ALDH1A1: variants seen among roughly 807,000 people sequenced by gnomAD.
ALDH1A1 encodes aldehyde dehydrogenase 1 family member A1.
In ALDH1A1, 19 loss-of-function variants were observed where a neutral mutation model predicts 62.1. The ratio of observed to expected loss-of-function variants is 0.31; its 90% confidence interval spans 0.21 to 0.45. The LOEUF (loss-of-function observed/expected upper bound fraction) is 0.45. Ranked by LOEUF, ALDH1A1 falls within the 20% of genes least tolerant of loss-of-function variation. The pLI is 1.00. For synonymous variants in ALDH1A1, 231 were observed against 215.9 expected (o/e 1.07, Z -0.61); for missense variants, 521 against 607.1 (o/e 0.86, Z 1.49).
chr9:72,922,169 G>T (rs1404142388), intron 7 of ALDH1A1, among the ~76,000 whole-genome samples: 1 of 152,076 alleles, frequency 6.6e-6, no homozygotes, highest in East Asian at 1.9e-4. Context: ...GCTCAGTAGG[G>T]TGATAAATGT....
intron 1 of ALDH1A1, among the ~76,000 whole-genome samples, chr9:72,945,653 G>C (rs1462753675): frequency 6.6e-6 from 1 of 151,950 alleles, no homozygotes; most frequent in Non-Finnish European, 1.5e-5. Flanking sequence ...GGGAGTATGA[G>C]ATCGGAGATG....
chr9:72,908,599 GAAAGAAAGAAAGAAAGAAA>G (rs1564622847), intron 11 of ALDH1A1, among the ~76,000 whole-genome samples: 3 of 144,446 alleles, frequency 2.1e-5, no homozygotes, highest in Non-Finnish European at 4.6e-5. Flanking sequence ...AAGAAAGAAA[GAAAGAAAGAAAGAAAGAAA>G]GAAAGAAAGA....
At chr9:72,911,259 G>A (rs1829983110) in intron 10 of ALDH1A1, among the ~76,000 whole-genome samples, 1 of 152,028 alleles carries the variant, frequency 6.6e-6, no homozygotes, top group Non-Finnish European at 1.5e-5. Context: ...GTGATAGAGG[G>A]GATGAATGCT....
rs5898281 is a variant in ALDH1A1 at position 72,909,155 on chromosome 9, C to CT, written c.1358+446dup. Reference sequence around the variant, plus strand: ...CCTCCCTAAAGTTCTTCCAATACAGCTTTTTTTTTTTTTTTTTTTTTTTGA... The same window carrying CT: ...CCTCCCTAAAGTTCTTCCAATACAGCTTTTTTTTTTTTTTTTTTTTTTTTGA... On this transcript the variant is annotated intron_variant, in intron 11 of 12. Coordinates refer to ENST00000297785, the MANE Select transcript of ALDH1A1 (RefSeq NM_000689.5). Among the ~76,000 whole-genome samples, 620 of 75,444 alleles carry CT rather than the reference C, an allele frequency of 8.2e-3. 23 individuals carry two copies. The highest frequency in any genetic ancestry group is 0.022 in the Middle Eastern group (2 of 90). The allele number at this position is 75,444 out of a possible 152,430, so 49.5% of individuals were successfully genotyped here. A position where few individuals can be genotyped will look rare whatever the true frequency, so the allele number is the denominator to read the frequency against.
intron 1 of ALDH1A1, among the ~76,000 whole-genome samples, chr9:72,952,384 AAAT>A (rs1437601503): frequency 6.6e-6 from 1 of 152,038 alleles, no homozygotes; most frequent in Admixed American, 6.6e-5. Flanking sequence ...TTGGCTGAAG[AAAT>A]AATGCTTTTC....
intron 12 of ALDH1A1, among the ~76,000 whole-genome samples, chr9:72,902,981 C>T (rs1162707203): frequency 4.7e-5 from 7 of 148,620 alleles, no homozygotes; most frequent in Non-Finnish European, 8.9e-5. Flanking sequence ...AAAAAAAAGG[C>T]ACTAGTACCA....
chr9:72,952,845 C>T, intron 1 of ALDH1A1, 90 bp downstream of exon 1: 1 of 1,458,568 alleles, frequency 6.9e-7, no homozygotes, highest in African/African-American at 1.4e-5. Flanking sequence ...GGGCTCTTTA[C>T]ACAAGTTTAC....
intron 6 of ALDH1A1, 54 bp from the exon 7 acceptor site, chr9:72,924,186 G>A (rs1348908725): frequency 3.9e-6 from 5 of 1,281,716 alleles, no homozygotes; most frequent in Non-Finnish European, 5.5e-6. Flanking sequence ...TCAAAAAGGA[G>A]GAGAGTAGGG....
At chr9:72,906,071 G>A in intron 11 of ALDH1A1, 39 bp from the exon 12 acceptor site, 2 of 1,506,576 alleles carry the variant, frequency 1.3e-6, no homozygotes, top group Non-Finnish European at 1.8e-6. Flanking sequence ...CAATACTTAA[G>A]GTGTGAAAAA....
intron 2 of ALDH1A1, among the ~76,000 whole-genome samples, chr9:72,933,592 C>CAAAAAA (rs60011646): frequency 1.7e-3 from 185 of 111,718 alleles, no homozygotes; most frequent in African/African-American, 4.0e-3. Context: ...CATCTCAAAA[C>CAAAAAA]AAAAAAAAAA....
intron 2 of ALDH1A1, among the ~76,000 whole-genome samples, chr9:72,933,267 C>T (rs1830306514): frequency 6.6e-6 from 1 of 152,152 alleles, no homozygotes; most frequent in South Asian, 2.1e-4. Context: ...CTCATCATCC[C>T]TCCGCTAAAG....
intron 4 of ALDH1A1, among the ~76,000 whole-genome samples, chr9:72,928,456 G>C (rs909978583): frequency 6.6e-6 from 1 of 152,118 alleles, no homozygotes; most frequent in Non-Finnish European, 1.5e-5. Flanking sequence ...GTTTGACCAG[G>C]CACAGATGAC....
At chr9:72,911,022 C>G (rs1043609419) in intron 10 of ALDH1A1, among the ~76,000 whole-genome samples, 1 of 152,016 alleles carries the variant, frequency 6.6e-6, no homozygotes, top group Non-Finnish European at 1.5e-5. Context: ...TTTTTTTCCA[C>G]GTCTTATCTG....
rs1319751320 is a variant in ALDH1A1, at chr9:72,944,985, A to T, written c.67-4733T>A. ...GATTTTTACACTTCAGATTTTAGAT[A>T]TGCCACATTTTAAGAAATGCATCAT... On this transcript the variant is annotated intron_variant, in intron 1 of 12. Transcript: ENST00000297785. Among the ~76,000 whole-genome samples, 8 of 152,244 alleles carry T rather than the reference A, an allele frequency of 5.3e-5. No homozygotes were observed. In the East Asian group the frequency reaches 1.5e-3, roughly 29 times the overall value.
At chr9:72,913,868 G>C (rs1290331808) in intron 9 of ALDH1A1, among the ~76,000 whole-genome samples, 2 of 152,210 alleles carry the variant, frequency 1.3e-5, no homozygotes, top group African/African-American at 4.8e-5. Flanking sequence ...GGAACACTGT[G>C]GTGGAGCTTG....
At chr9:72,940,057 T>G in intron 2 of ALDH1A1, 91 bp downstream of exon 2, 1 of 870,690 alleles carries the variant, frequency 1.1e-6, no homozygotes, top group Non-Finnish European at 1.8e-6. Flanking sequence ...TCATGGCATG[T>G]CTTTTGGAGC....
chr9:72,921,506 T>C (rs1830143660), intron 7 of ALDH1A1, among the ~76,000 whole-genome samples: 1 of 123,764 alleles, frequency 8.1e-6, no homozygotes, highest in Non-Finnish European at 1.8e-5. Flanking sequence ...TTTAATTCTT[T>C]TTTTTTTTTT....
chr9:72,947,044 A>C (rs979160502), intron 1 of ALDH1A1, among the ~76,000 whole-genome samples: 1 of 151,976 alleles, frequency 6.6e-6, no homozygotes, highest in Non-Finnish European at 1.5e-5. Flanking sequence ...AAATGGGGAC[A>C]ATACCCTCTC....
intron 10 of ALDH1A1, among the ~76,000 whole-genome samples, chr9:72,910,119 C>T (rs1453047718): frequency 6.6e-6 from 1 of 152,110 alleles, no homozygotes; most frequent in African/African-American, 2.4e-5. Context: ...TTCTTATCTT[C>T]CAAGTCACTA....
Sources: gnomAD v4.1 joint callset for allele counts (sites outside exome capture counted in the v4.1 genomes callset) on GRCh38, gnomAD v4.1.1 for gene constraint, MANE v1.5 for transcripts, NCBI Gene and HGNC (gene_info 2026-07-23, HGNC 2026-07-21) for gene names.